The following FGF1 variants were observed in gnomAD, a reference collection of about 807,000 sequenced individuals.
The protein encoded by FGF1 is beta-endothelial cell growth factor.
Under a neutral mutation model 13.4 loss-of-function variants are expected in FGF1, and 9 were observed. The ratio of observed to expected loss-of-function variants is 0.67; its 90% CI spans 0.40 to 1.17. The LOEUF is 1.17. Ranked by LOEUF, FGF1 falls within the 50% of genes most tolerant of loss-of-function variation. The probability of loss-of-function intolerance (pLI) is 0.01; values close to 1 mark genes in which losing one functional copy is unlikely to be tolerated. For missense variants in FGF1, 156 were observed against 192.7 expected, an observed-to-expected ratio of 0.81 and a Z score of 1.13; for synonymous variants, 93 against 79.0, an observed-to-expected ratio of 1.18 and a Z score of -0.94.
intron 1 of FGF1, among the ~76,000 whole-genome samples, chr5:142,633,672 C>G (rs1258039729): frequency 1.3e-5 from 2 of 152,212 alleles, no homozygotes; most frequent in African/African-American, 4.8e-5. Context: ...GAGCAGAATG[C>G]CCACTGCAGC....
At chr5:142,598,251 C>T (rs1561507602) in intron 3 of FGF1, among the ~76,000 whole-genome samples, 1 of 152,144 alleles carries the variant, frequency 6.6e-6, no homozygotes, top group Non-Finnish European at 1.5e-5. Flanking sequence ...CATTCCCCAC[C>T]TGATGTCTCT....
rs184063074 is a variant in FGF1 at position 142,620,146 on chromosome 5, G to A, written c.-34-5985C>T. 1.8e-3 allele frequency among the ~76,000 whole-genome samples: 273 copies of A among 152,150 alleles called. 1 individual carries two copies. The highest frequency in any genetic ancestry group is 3.9e-3 in the East Asian group (20 of 5,178). On this transcript the variant is annotated intron_variant, in intron 1 of 3. Coordinates refer to ENST00000337706, the MANE Select transcript of FGF1 (RefSeq NM_000800.5). Reference sequence around the variant, plus strand: ...AAAAATTGAAAACTCGGCTGGGCGCGGTGGCTCACGCCTGTAATCCCACCA... The same window carrying A: ...AAAAATTGAAAACTCGGCTGGGCGCAGTGGCTCACGCCTGTAATCCCACCA...
chr5:142,650,992 C>A (rs1253172515), intron 1 of FGF1, among the ~76,000 whole-genome samples: 1 of 152,172 alleles, frequency 6.6e-6, no homozygotes, highest in African/African-American at 2.4e-5. Context: ...CAAATCAACA[C>A]CCACTGAGAG....
chr5:142,687,938 C>G (rs1751526956), upstream of FGF1, among the ~76,000 whole-genome samples: 2 of 152,366 alleles, frequency 1.3e-5, no homozygotes, highest in African/African-American at 4.8e-5. Flanking sequence ...GACTTTCCTA[C>G]TCATATCTTC....
chr5:142,619,136 G>A lies in FGF1; in HGVS notation c.-34-4975C>T, dbSNP rs377563682. Reference sequence around the variant, plus strand: ...TTTTTAGTAGAGACGGGGTTTCACCGTGTTAGCCAAGATGGTCTCGATCTC... The same window carrying A: ...TTTTTAGTAGAGACGGGGTTTCACCATGTTAGCCAAGATGGTCTCGATCTC... On this transcript the variant is annotated intron_variant, in intron 1 of 3. Transcript: ENST00000337706. Among the ~76,000 whole-genome samples, 186 of 151,894 alleles carry A rather than the reference G, an allele frequency of 1.2e-3. 1 individual carries two copies. The East Asian group carries it at 0.022, about 18-fold the overall frequency.
At position 142,592,957 on chromosome 5, in the gene FGF1, C is replaced by T; in HGVS notation, c.*2333G>A. 6.6e-6 allele frequency: 1 copy of T among 152,270 alleles called. No individual in the cohort carries two copies. The highest frequency in any genetic ancestry group is 1.9e-4 in the East Asian group (1 of 5,196). The allele number at this position is 152,270 out of a possible 1,614,324, so 9.4% of individuals were successfully genotyped here. A position where few individuals can be genotyped will look rare whatever the true frequency, so the allele number is the denominator to read the frequency against. On this transcript the variant is annotated 3_prime_UTR_variant, in exon 4 of 4. Coordinates refer to ENST00000337706, the MANE Select transcript of FGF1 (RefSeq NM_000800.5). ...CCCTGGGAGAAGATACAGCAGCAAACCAGACAGACAAGGTCCCCAGTATCC... is the reference window on the plus strand; with the variant it reads ...CCCTGGGAGAAGATACAGCAGCAAATCAGACAGACAAGGTCCCCAGTATCC...
chr5:142,613,922 CAGAA>C (rs1322187964), intron 2 of FGF1, 33 bp downstream of exon 2: 13 of 1,602,140 alleles, frequency 8.1e-6, no homozygotes, highest in East Asian at 4.5e-5. Flanking sequence ...CAGAAGATGT[CAGAA>C]AGGGAAGGGG....
At chr5:142,688,516 A>G (rs1751629554), upstream of FGF1, among the ~76,000 whole-genome samples, 1 of 152,230 alleles carries the variant, frequency 6.6e-6, no homozygotes, top group African/African-American at 2.4e-5. Context: ...ATAGCCGTCG[A>G]AGCTGCTTAT....
At chr5:142,635,412 C>T (rs923981950) in intron 1 of FGF1, among the ~76,000 whole-genome samples, 1 of 152,210 alleles carries the variant, frequency 6.6e-6, no homozygotes, top group African/African-American at 2.4e-5. Context: ...CCTATGGGAG[C>T]AGCTCAGTCA....
intron 1 of FGF1, among the ~76,000 whole-genome samples, chr5:142,621,588 C>T (rs17223514): frequency 0.043 from 6,606 of 152,256 alleles, 179 homozygotes; most frequent in Middle Eastern, 0.11. Flanking sequence ...GCTCTCCCAA[C>T]AGCAGACAGC....
intron 1 of FGF1, among the ~76,000 whole-genome samples, chr5:142,668,605 A>C (rs1221960495): frequency 6.6e-6 from 1 of 152,214 alleles, no homozygotes; most frequent in African/African-American, 2.4e-5. Context: ...CCAGAAAGTC[A>C]ATTCATCTCT....
At chr5:142,619,236 T>C (rs935280898) in intron 1 of FGF1, among the ~76,000 whole-genome samples, 13 of 152,162 alleles carry the variant, frequency 8.5e-5, no homozygotes, top group Admixed American at 2.0e-4. Context: ...GCCCAGCCTT[T>C]AGTTTTGTTT....
chr5:142,607,498 C>A (rs995612199), intron 2 of FGF1, among the ~76,000 whole-genome samples: 1 of 152,144 alleles, frequency 6.6e-6, no homozygotes, highest in Non-Finnish European at 1.5e-5. Flanking sequence ...GGGACATTAA[C>A]AATTAATTTA....
rs249922 is a variant in FGF1 at position 142,631,192 on chromosome 5, C to G, written c.-34-17031G>C. Among the ~76,000 whole-genome samples, 5 of 152,320 alleles carry G rather than the reference C, an allele frequency of 3.3e-5. No individual in the cohort carries two copies. In the East Asian group the frequency reaches 9.6e-4, roughly 29 times the overall value. On this transcript the variant is annotated intron_variant, in intron 1 of 3. Transcript: ENST00000337706. Reference sequence around the variant, plus strand: ...TGTGATGAACTTTGCTCTTCTAAAGCAAGTGTTTTTCCCCTAGATTATTTT... The same window carrying G: ...TGTGATGAACTTTGCTCTTCTAAAGGAAGTGTTTTTCCCCTAGATTATTTT...
chr5:142,689,007 C>A (rs1597477462), upstream of FGF1, among the ~76,000 whole-genome samples: 5 of 152,294 alleles, frequency 3.3e-5, no homozygotes, highest in South Asian at 1.0e-3. Context: ...ATGAAAGAAG[C>A]AGAGCATTAT....
At chr5:142,669,388 C>T (rs935465512) in intron 1 of FGF1, among the ~76,000 whole-genome samples, 9 of 152,222 alleles carry the variant, frequency 5.9e-5, no homozygotes. Context: ...GCTTCCTTCT[C>T]ACGATTATGT....
At chr5:142,689,993 G>A (rs1208909761), upstream of FGF1, among the ~76,000 whole-genome samples, 26 of 144,308 alleles carry the variant, frequency 1.8e-4, no homozygotes, top group African/African-American at 5.0e-4. Flanking sequence ...GAGCCACCGC[G>A]CCCGGCCCCT....
rs769092526 is a variant in FGF1 at position 142,595,470 on chromosome 5, C to T, written c.288G>A (p.Glu96=). 5 of 1,613,524 alleles carry T rather than the reference C, an allele frequency of 3.1e-6. No homozygotes were observed. The highest frequency in any genetic ancestry group is 1.7e-5 in the Admixed American group (1 of 59,966). Residue 96 remains glutamate, a synonymous_variant, in exon 4 of 4, where the codon GAG becomes GAA. Transcript: ENST00000337706. ...CCAGCCTTTCCAGGAACAAACATTC[C>T]TCATTTGGTGTCTGCTAAAAAGATA... ...GLLYGSQTPN[E]ECLFLERLEE... is the part of the protein sequence containing the mutation.
intron 2 of FGF1, among the ~76,000 whole-genome samples, chr5:142,602,650 C>T (rs970743061): frequency 2.0e-5 from 3 of 151,818 alleles, no homozygotes; most frequent in African/African-American, 4.8e-5. Flanking sequence ...AGCTTGTGTG[C>T]GTATATTGCA....
Sources: allele counts gnomAD v4.1 joint callset (sites outside exome capture counted in the v4.1 genomes callset), GRCh38; gene constraint gnomAD v4.1.1; transcripts MANE v1.5; gene names NCBI Gene and HGNC (gene_info 2026-07-23, HGNC 2026-07-21).